UCK2: variants seen among roughly 807,000 people sequenced by gnomAD.
The protein encoded by UCK2 is uridine-cytidine kinase 2.
Under a neutral mutation model 30.8 loss-of-function variants are expected in UCK2, and 6 were observed. The ratio of observed to expected loss-of-function variants is 0.19; its 90% confidence interval spans 0.11 to 0.38. The LOEUF (loss-of-function observed/expected upper bound fraction) is 0.38. UCK2 is among the 10% of genes least tolerant of loss of function. The pLI is 1.00. For missense variants in UCK2, 210 were observed against 339.8 expected (o/e 0.62, Z 3.00); for synonymous variants, 125 against 133.6 (o/e 0.94, Z 0.45).
intron 1 of UCK2, among the ~76,000 whole-genome samples, chr1:165,841,190 T>C (rs1253652321): frequency 6.9e-6 from 1 of 145,236 alleles, no homozygotes; most frequent in Non-Finnish European, 1.5e-5. Context: ...CTGCTGCTGC[T>C]TTTTTTTTTT....
intron 1 of UCK2, among the ~76,000 whole-genome samples, chr1:165,857,514 G>A (rs985699573): frequency 1.3e-5 from 2 of 152,186 alleles, no homozygotes; most frequent in African/African-American, 4.8e-5. Flanking sequence ...AGTTGGAGGA[G>A]GCAGATGACA....
chr1:165,828,320 C>T (rs1483763205), intron 1 of UCK2, among the ~76,000 whole-genome samples: 3 of 152,212 alleles, frequency 2.0e-5, no homozygotes, highest in African/African-American at 7.2e-5. Context: ...CCCCGATGGA[C>T]TCCCTCAAGC....
At chr1:165,831,752 T>C (rs1396446854) in intron 1 of UCK2, among the ~76,000 whole-genome samples, 1 of 152,154 alleles carries the variant, frequency 6.6e-6, no homozygotes, top group Non-Finnish European at 1.5e-5. Context: ...GGTCCCAGGC[T>C]ATTATTTTTA....
intron 1 of UCK2, among the ~76,000 whole-genome samples, chr1:165,882,696 C>T (rs372268295): frequency 1.3e-5 from 2 of 152,130 alleles, no homozygotes; most frequent in Admixed American, 1.3e-4. Context: ...TGAATCCACT[C>T]CCTCAAGCCC....
intron 1 of UCK2, among the ~76,000 whole-genome samples, chr1:165,857,409 T>C (rs1654774471): frequency 6.6e-6 from 1 of 152,190 alleles, no homozygotes; most frequent in African/African-American, 2.4e-5. Context: ...ATAACTGACA[T>C]AACCCATGAC....
chr1:165,890,452 C>G, intron 2 of UCK2, 89 bp downstream of exon 2: 1 of 1,337,306 alleles, frequency 7.5e-7, no homozygotes, highest in Admixed American at 2.0e-5. Flanking sequence ...TGCTTAACCT[C>G]TCGGAATCTT....
At chr1:165,897,085 C>T (rs150055131) in intron 4 of UCK2, among the ~76,000 whole-genome samples, 7 of 152,246 alleles carry the variant, frequency 4.6e-5, no homozygotes, top group Non-Finnish European at 1.0e-4. Context: ...TGAAGGTGCA[C>T]GGCAGAGATG....
chr1:165,891,163 G>T, intron 2 of UCK2, 63 bp from the exon 3 acceptor site: 1 of 1,416,838 alleles, frequency 7.1e-7, no homozygotes, highest in Non-Finnish European at 9.9e-7. Context: ...GATGCCTTGT[G>T]TATGATTATA....
chr1:165,875,800 T>C (rs965214729), intron 1 of UCK2, among the ~76,000 whole-genome samples: 3 of 152,160 alleles, frequency 2.0e-5, no homozygotes, highest in African/African-American at 7.2e-5. Context: ...CCCTCCCTTG[T>C]GTGCCACCCT....
chr1:165,890,373 G>C lies in UCK2; in HGVS notation c.259+10G>C, dbSNP rs377297006. On this transcript the variant is annotated intron_variant, in intron 2 of 6. Transcript: ENST00000367879. ...AACTTTGACCACCCGGGTGAGTCGG[G>C]CATTGAAGGGGGTATGTATCTGTAT... The C allele has an allele frequency of 3.1e-6, 5 of 1,613,470 alleles. No homozygotes were observed. The African/African-American group carries it at 5.4e-5, about 17-fold the overall frequency.
At chr1:165,832,696 C>T (rs965736476) in intron 1 of UCK2, among the ~76,000 whole-genome samples, 3 of 151,972 alleles carry the variant, frequency 2.0e-5, no homozygotes, top group Non-Finnish European at 4.4e-5. Context: ...ACAACTCCTG[C>T]GATTCTCCTG....
chr1:165,877,847 G>A (rs1655378219), intron 1 of UCK2, among the ~76,000 whole-genome samples: 1 of 152,020 alleles, frequency 6.6e-6, no homozygotes, highest in African/African-American at 2.4e-5. Context: ...GCAGTTTTAG[G>A]TTCCTAGCAA....
intron 1 of UCK2, among the ~76,000 whole-genome samples, chr1:165,865,267 T>C (rs1655021034): frequency 6.6e-6 from 1 of 152,206 alleles, no homozygotes; most frequent in African/African-American, 2.4e-5. Context: ...TGGAATTCAT[T>C]GGTTAAAAGG....
chr1:165,856,383 C>T (rs1486495324), intron 1 of UCK2, among the ~76,000 whole-genome samples: 2 of 151,414 alleles, frequency 1.3e-5, no homozygotes, highest in Non-Finnish European at 2.9e-5. Flanking sequence ...ATCCCCAGCT[C>T]CTGGTATTTT....
At chr1:165,828,413 C>T (rs903807628) in intron 1 of UCK2, among the ~76,000 whole-genome samples, 22 of 152,112 alleles carry the variant, frequency 1.4e-4, no homozygotes. Context: ...GCCGAGAGGG[C>T]GAGGGTGGCG....
chr1:165,882,907 C>G (rs769751420), intron 1 of UCK2, among the ~76,000 whole-genome samples: 1 of 152,184 alleles, frequency 6.6e-6, no homozygotes, highest in Non-Finnish European at 1.5e-5. Flanking sequence ...TCACTGTAAC[C>G]TCTGCCTCCC....
rs957989610 is a variant in UCK2, at chr1:165,895,444, C to G, written c.357-746C>G. On this transcript the variant is annotated intron_variant, in intron 3 of 6. Transcript: ENST00000367879. ...AAAAACAAGAAAAAGAAAGAAAAGT[C>G]ATGTTTACAATTAGTGCCTGCCCTA... is the stretch of plus-strand genomic sequence containing the variant. 14 of 981,678 alleles carry G rather than the reference C, an allele frequency of 1.4e-5. No homozygotes were observed. The Admixed American group carries it at 3.7e-4, about 26-fold the overall frequency. The allele number at this position is 981,678 out of a possible 1,614,324, so 60.8% of individuals were successfully genotyped here.
chr1:165,843,231 T>C (rs962517414), intron 1 of UCK2, among the ~76,000 whole-genome samples: 1 of 152,222 alleles, frequency 6.6e-6, no homozygotes, highest in African/African-American at 2.4e-5. Flanking sequence ...CCTTTTTTTT[T>C]TTAAACCATG....
chr1:165,861,501 G>A (rs1654898676), intron 1 of UCK2, among the ~76,000 whole-genome samples: 3 of 149,024 alleles, frequency 2.0e-5, no homozygotes, highest in South Asian at 2.1e-4. Flanking sequence ...AGTGGCGGGC[G>A]CCTGTAGTCC....
Sources: allele counts gnomAD v4.1 joint callset (sites outside exome capture counted in the v4.1 genomes callset), GRCh38; gene constraint gnomAD v4.1.1; transcripts MANE v1.5; gene names NCBI Gene and HGNC (gene_info 2026-07-23, HGNC 2026-07-21).